The following PSME1 variants were observed in gnomAD, a reference collection of about 807,000 sequenced individuals.
PSME1 encodes the protein proteasome activator subunit 1.
A neutral mutation model predicts 38.4 loss-of-function variants in PSME1; 15 were observed. The observed-to-expected ratio is 0.39, with a 90% CI of 0.26 to 0.60. PSME1 has a LOEUF of 0.60. Ranked by LOEUF, PSME1 falls within the 20% of genes least tolerant of loss-of-function variation. The pLI is 0.53. For synonymous variants in PSME1, 106 were observed against 106.8 expected (o/e 0.99, Z 0.05); for missense variants, 249 against 305.6 (o/e 0.81, Z 1.38).
chr14:24,137,106 T>G, intron 2 of PSME1, 37 bp from the exon 3 acceptor site: 1 of 1,613,936 alleles, frequency 6.2e-7, no homozygotes, highest in East Asian at 2.2e-5. Context: ...CATTTGATGC[T>G]GACTCCCATC....
Position 24,137,960 on chromosome 14 carries a change from A to G in PSME1, c.391-89A>G. ...CTCAGGATAGACCCGGCACGCCTCC[A>G]CCCAGTGTGGGGAGGGAAGCAAGGG... On this transcript the variant is annotated intron_variant, in intron 6 of 10. Transcript: ENST00000206451. 5.9e-6 allele frequency: 9 copies of G among 1,526,028 alleles called. No homozygotes were observed. In the South Asian group the frequency reaches 9.0e-5, roughly 15 times the overall value. The allele number at this position is 1,526,028 out of a possible 1,614,324, so 94.5% of individuals were successfully genotyped here.
chr14:24,136,397 C>G lies in PSME1; in HGVS notation c.39+96C>G. The G allele has an allele frequency of 3.2e-6, 4 of 1,255,930 alleles. No homozygotes were observed. The highest frequency in any genetic ancestry group is 4.2e-6 in the Non-Finnish European group (4 of 955,484). 77.8% of individuals were successfully genotyped at this position (1,255,930 alleles called of 1,614,324 possible). A position where few individuals can be genotyped will look rare whatever the true frequency, so the allele number is the denominator to read the frequency against. On this transcript the variant is annotated intron_variant, in intron 1 of 10. Coordinates refer to ENST00000206451, the MANE Select transcript of PSME1 (RefSeq NM_006263.4). The surrounding 1 kb of genome is among the most constrained non-coding windows in gnomAD (Gnocchi z 4.8). ...CCGCCCCCCAGGCTCCCACGCGAGT[C>G]GGGGGCAGTCGGCCGAGCTGGCGCG... is the stretch of plus-strand genomic sequence containing the variant.
rs2037936611 is a variant in PSME1 at position 24,137,780 on chromosome 14, A to G, written c.373A>G (p.Ile125Val). 6.2e-7 allele frequency: 1 copy of G among 1,614,068 alleles called. No individual in the cohort carries two copies. ...QRLKPEIKDV[I>V]EQLNLVTTWL... ...CTTGAAGCCTGAGATCAAGGATGTC[A>G]TTGAGCAGCTCAACCTGGTAAGCCC... The change falls in exon 6 of 11, where the codon ATT becomes GTT. Residue 125 changes from isoleucine (I) to valine (V), a missense_variant. By Grantham distance (29) the Ile-to-Val change is conservative (BLOSUM62 3). Coordinates refer to ENST00000206451, the MANE Select transcript of PSME1 (RefSeq NM_006263.4).
At chr14:24,138,699 G>A (rs1352600891) in intron 10 of PSME1, 37 bp from the exon 11 acceptor site, 1 of 1,613,888 alleles carries the variant, frequency 6.2e-7, no homozygotes, top group Non-Finnish European at 8.5e-7. Context: ...AGAGCCACTG[G>A]AGGCCTCTGA....
chr14:24,138,316 C>T (rs2037952983), intron 8 of PSME1, 29 bp from the exon 9 acceptor site: 1 of 1,613,940 alleles, frequency 6.2e-7, no homozygotes, highest in South Asian at 1.1e-5. Flanking sequence ...CCTCCTTCTT[C>T]TACTCCATAC....
rs2037944200 is a variant in PSME1 at position 24,138,044 on chromosome 14, C to G, written c.391-5C>G. The G allele has an allele frequency of 6.2e-7, 1 of 1,614,046 alleles. No individual in the cohort carries two copies. Among genetic ancestry groups the G allele is most frequent in the Non-Finnish European group, 8.5e-7 (1 of 1,179,886 alleles). On this transcript the variant is annotated splice_polypyrimidine_tract_variant and splice_region_variant and intron_variant, in intron 6 of 10. Transcript: ENST00000206451. ...ATGTGGCATTATGCCATTCCCTCTTCCCAGGTCACCACCTGGTTGCAGCTG... is the reference window on the plus strand; with the variant it reads ...ATGTGGCATTATGCCATTCCCTCTTGCCAGGTCACCACCTGGTTGCAGCTG...
rs147287924 is a variant in PSME1, at chr14:24,137,528, C to G, written c.255C>G (p.Asp85Glu). The G allele has an allele frequency of 1.6e-4, 262 of 1,614,142 alleles. No homozygotes were observed. In the African/African-American group the frequency reaches 3.2e-3, roughly 20 times the overall value. The change falls in exon 5 of 11, where the codon GAC becomes GAG. Residue 85 changes from aspartate to glutamate, a missense_variant. Physicochemically the swap from Asp to Glu is conservative, Grantham distance 45. Coordinates refer to ENST00000206451, the MANE Select transcript of PSME1 (RefSeq NM_006263.4). ...EERKKQQEKE[D>E]KDEKKKGEDE... is the part of the protein sequence containing the mutation. ...CTCCTCTCTTTCTGCAGAAGGAAGA[C>G]AAGGATGAAAAGAAGAAGGGGGAGG...
rs749460010 is a variant in PSME1, at chr14:24,137,029, C to A, written c.72+12C>A. The A allele has an allele frequency of 1.2e-6, 2 of 1,614,124 alleles. No homozygotes were observed. The highest frequency in any genetic ancestry group is 3.3e-5 in the Admixed American group (2 of 60,022). On this transcript the variant is annotated intron_variant, in intron 2 of 10. Transcript: ENST00000206451. ...ACCTCTGTACCAAGGTAAGACATGC[C>A]CCATCAGCGTGGCCCCACCCCTGCC... is the stretch of plus-strand genomic sequence containing the variant.
At chr14:24,138,701 G>T (rs1487861870) in intron 10 of PSME1, 35 bp from the exon 11 acceptor site, 2 of 1,613,878 alleles carry the variant, frequency 1.2e-6, no homozygotes, top group African/African-American at 2.7e-5. Flanking sequence ...AGCCACTGGA[G>T]GCCTCTGACT....
intron 7 of PSME1, 33 bp downstream of exon 7, chr14:24,138,150 C>G: frequency 6.2e-7 from 1 of 1,614,082 alleles, no homozygotes; most frequent in Non-Finnish European, 8.5e-7. Flanking sequence ...CTGCTCTTTT[C>G]TAGTCCATGC....
At position 24,137,810 on chromosome 14, in the gene PSME1, C is replaced by G. The variant is rs747189789; in HGVS notation, c.390+13C>G. 1.9e-6 allele frequency: 3 copies of G among 1,611,416 alleles called. No homozygotes were observed. The highest frequency in any genetic ancestry group is 2.5e-6 in the Non-Finnish European group (3 of 1,177,548). On this transcript the variant is annotated intron_variant, in intron 6 of 10. Transcript: ENST00000206451. ...GCAGCTCAACCTGGTAAGCCCTCCC[C>G]CTTAAACTCTCAGGCTTCAAGTCAA...
Position 24,136,470 on chromosome 14 carries a change from G to T in PSME1, c.39+169G>T. 1.6e-6 allele frequency: 1 copy of T among 619,702 alleles called. No individual in the cohort carries two copies. Among genetic ancestry groups the T allele is most frequent in the South Asian group, 2.6e-5 (1 of 37,908 alleles). The allele number at this position is 619,702 out of a possible 1,614,324, so 38.4% of individuals were successfully genotyped here. On this transcript the variant is annotated intron_variant, in intron 1 of 10. Transcript: ENST00000206451. The surrounding 1 kb of genome is among the most constrained non-coding windows in gnomAD (Gnocchi z 4.8). ...GAGGGCGGCGACTGCTGCCTGCGGG[G>T]AGAGGCGAGGCGGCCGTGGTTCTGC...
At chr14:24,137,646 C>T (rs1365017728) in intron 5 of PSME1, 54 bp from the exon 6 acceptor site, 28 of 1,610,502 alleles carry the variant, frequency 1.7e-5, no homozygotes, top group Non-Finnish European at 2.3e-5. Context: ...CCAGTCTCCC[C>T]TTCGCCCCTC....
At position 24,136,309 on chromosome 14, in the gene PSME1, C is replaced by T. The variant is rs1406824066; in HGVS notation, c.39+8C>T. 1.3e-6 allele frequency: 2 copies of T among 1,523,306 alleles called. No individual in the cohort carries two copies. Among genetic ancestry groups the T allele is most frequent in the Non-Finnish European group, 1.8e-6 (2 of 1,136,684 alleles). The allele number at this position is 1,523,306 out of a possible 1,614,324, so 94.4% of individuals were successfully genotyped here. On this transcript the variant is annotated splice_region_variant and intron_variant, in intron 1 of 10. Transcript: ENST00000206451. The surrounding 1 kb of genome is among the most constrained non-coding windows in gnomAD (Gnocchi z 4.8). ...CCCGAGGCCCAAGCCAAGGTGAGCGCCGCGGGGTCTAGAAAGGGCCCACTG... is the reference window on the plus strand; with the variant it reads ...CCCGAGGCCCAAGCCAAGGTGAGCGTCGCGGGGTCTAGAAAGGGCCCACTG...
At chr14:24,137,242 CAAGAG>C in intron 3 of PSME1, 37 bp downstream of exon 3, 1 of 1,611,886 alleles carries the variant, frequency 6.2e-7, no homozygotes. Flanking sequence ...GAGTAAAGGC[CAAGAG>C]AAGAGTCTGG....
chr14:24,137,533 A>G lies in PSME1; in HGVS notation c.260A>G (p.Asp87Gly). 6.2e-7 allele frequency: 1 copy of G among 1,614,254 alleles called. No individual in the cohort carries two copies. Among genetic ancestry groups the G allele is most frequent in the Admixed American group, 1.7e-5 (1 of 60,030 alleles). Reference protein sequence around the residue: ...RKKQQEKEDKDEKKKGEDEDK... With the variant: ...RKKQQEKEDKGEKKKGEDEDK... ...CTCTTTCTGCAGAAGGAAGACAAGG[A>G]TGAAAAGAAGAAGGGGGAGGATGAA... The change falls in exon 5 of 11, where the codon GAT becomes GGT. Residue 87 changes from aspartate (D) to glycine (G), a missense_variant. Transcript: ENST00000206451.
chr14:24,138,702 G>A, intron 10 of PSME1, 34 bp from the exon 11 acceptor site: 1 of 1,614,000 alleles, frequency 6.2e-7, no homozygotes, highest in Non-Finnish European at 8.5e-7. Context: ...GCCACTGGAG[G>A]CCTCTGACTG....
chr14:24,136,390 C>A lies in PSME1; in HGVS notation c.39+89C>A. 2 of 1,322,246 alleles carry A rather than the reference C, an allele frequency of 1.5e-6. No individual in the cohort carries two copies. The highest frequency in any genetic ancestry group is 2.0e-6 in the Non-Finnish European group (2 of 1,003,654). 81.9% of individuals were successfully genotyped at this position (1,322,246 alleles called of 1,614,324 possible). A position where few individuals can be genotyped will look rare whatever the true frequency, so the allele number is the denominator to read the frequency against. On this transcript the variant is annotated intron_variant, in intron 1 of 10. Transcript: ENST00000206451. This position sits in a 1 kb window ranked among gnomAD's most constrained non-coding sequence, Gnocchi z 4.8. ...CCCCGACCCGCCCCCCAGGCTCCCA[C>A]GCGAGTCGGGGGCAGTCGGCCGAGC...
Position 24,138,758 on chromosome 14 carries a change from T to C in PSME1, c.692T>C (p.Leu231Pro), listed in dbSNP as rs2037969388. Residue 231 changes from leucine to proline, a missense_variant, in exon 11 of 11, where the codon CTG becomes CCG. Transcript: ENST00000206451. ...NAYAVLYDII[L>P]KNFEKLKKPR... Reference sequence around the variant, plus strand: ...TAGGCTGTGTTATATGACATCATCCTGAAGAACTTCGAGAAGCTCAAGAAG... The same window carrying C: ...TAGGCTGTGTTATATGACATCATCCCGAAGAACTTCGAGAAGCTCAAGAAG... 6.2e-7 allele frequency: 1 copy of C among 1,614,180 alleles called. No individual in the cohort carries two copies. The highest frequency in any genetic ancestry group is 8.5e-7 in the Non-Finnish European group (1 of 1,180,044).
Sources: gnomAD v4.1 joint callset for allele counts on GRCh38, gnomAD v4.1.1 for gene constraint, Gnocchi (gnomAD v3.1) non-coding constraint, MANE v1.5 for transcripts, NCBI Gene and HGNC (gene_info 2026-07-23, HGNC 2026-07-21) for gene names.